WDFY3: variants seen among roughly 807,000 people sequenced by gnomAD.
WDFY3 encodes the protein WD repeat and FYVE domain containing 3.
In WDFY3, 66 loss-of-function variants were observed where a neutral mutation model predicts 409.6. The ratio of observed to expected loss-of-function variants is 0.16; its 90% confidence interval spans 0.13 to 0.20. The LOEUF is 0.20. WDFY3 is among the 10% of genes least tolerant of loss of function. WDFY3 has a pLI of 1.00. For synonymous variants in WDFY3, 1,521 were observed against 1,537.1 expected, an observed-to-expected ratio of 0.99 and a Z score of 0.25; for missense variants, 3,031 against 4,298.1, an observed-to-expected ratio of 0.71 and a Z score of 8.24.
intron 32 of WDFY3, among the ~76,000 whole-genome samples, chr4:84,760,541 A>G (rs1029162374): frequency 1.4e-4 from 21 of 152,272 alleles, no homozygotes; most frequent in African/African-American, 5.1e-4. Context: ...GGGAGAGTGT[A>G]TGTGTCAAGG....
chr4:84,806,675 C>T (rs560204387), intron 15 of WDFY3, among the ~76,000 whole-genome samples: 29 of 152,226 alleles, frequency 1.9e-4, no homozygotes, highest in African/African-American at 4.6e-4. Flanking sequence ...GCGGTGATCT[C>T]GGCTCACTGC....
Position 84,780,159 on chromosome 4 carries a change from G to T in WDFY3, c.4314C>A (p.Val1438=). 1 of 1,612,988 alleles carries T rather than the reference G, an allele frequency of 6.2e-7. No homozygotes were observed. ...YAAVKALVCV[V]KSNPLASKEM... ...CTTTGCTGGCTAGTGGGTTACTCTTGACCACACAAACCAGGGCCTTGACTG... is the reference window on the plus strand; with the variant it reads ...CTTTGCTGGCTAGTGGGTTACTCTTTACCACACAAACCAGGGCCTTGACTG... The change falls in exon 26 of 68, where the codon GTC becomes GTA. Residue 1438 remains valine, a synonymous_variant. Coordinates refer to ENST00000295888, the MANE Select transcript of WDFY3 (RefSeq NM_014991.6).
chr4:84,809,867 A>G lies in WDFY3; in HGVS notation c.2345+20T>C. ...GCTTAGTATACACCCTTTAATTCAG[A>G]GGACAGAGCAGAGCCATACCTGTCA... On this transcript the variant is annotated intron_variant, in intron 14 of 67. Coordinates refer to ENST00000295888, the MANE Select transcript of WDFY3 (RefSeq NM_014991.6). 2.5e-6 allele frequency: 4 copies of G among 1,604,028 alleles called. No homozygotes were observed. The highest frequency in any genetic ancestry group is 1.7e-5 in the Admixed American group (1 of 58,362).
intron 32 of WDFY3, among the ~76,000 whole-genome samples, chr4:84,757,550 A>C (rs1373144904): frequency 6.6e-6 from 1 of 152,146 alleles, no homozygotes; most frequent in Non-Finnish European, 1.5e-5. Context: ...ATGCTACAAA[A>C]ACATAACTTA....
At chr4:84,961,215 C>CAA (rs35416764) in intron 1 of WDFY3, among the ~76,000 whole-genome samples, 1,972 of 109,068 alleles carry the variant, frequency 0.018, 25 homozygotes, top group African/African-American at 0.051. Flanking sequence ...GACTCTGTCT[C>CAA]AAAAAAAAAA....
At chr4:84,952,643 CACA>C (rs961594683) in intron 1 of WDFY3, among the ~76,000 whole-genome samples, 3 of 152,078 alleles carry the variant, frequency 2.0e-5, no homozygotes, top group East Asian at 1.9e-4. Flanking sequence ...TGCTGAACTC[CACA>C]ACATCAAGAA....
chr4:84,830,043 G>A (rs986057499), intron 8 of WDFY3, among the ~76,000 whole-genome samples: 9 of 151,964 alleles, frequency 5.9e-5, no homozygotes, highest in Admixed American at 3.3e-4. Flanking sequence ...GAAACTCACT[G>A]TTACATAACA....
chr4:84,854,289 G>A (rs1296679814), intron 4 of WDFY3, among the ~76,000 whole-genome samples: 2 of 152,098 alleles, frequency 1.3e-5, no homozygotes, highest in African/African-American at 4.8e-5. Context: ...TGATAAAGCT[G>A]GGGCATTTTG....
chr4:84,941,513 T>C (rs945966441), intron 1 of WDFY3, among the ~76,000 whole-genome samples: 8 of 151,926 alleles, frequency 5.3e-5, no homozygotes, highest in African/African-American at 1.9e-4. Context: ...TTGATAACAA[T>C]GATGAAATAA....
rs961964638 is a variant in WDFY3, at chr4:84,671,150, T to C, written c.*1718A>G. 1 of 152,592 alleles carries C rather than the reference T, an allele frequency of 6.6e-6. No homozygotes were observed. The highest frequency in any genetic ancestry group is 1.5e-5 in the Non-Finnish European group (1 of 68,014). The allele number at this position is 152,592 out of a possible 1,614,324, so 9.5% of individuals were successfully genotyped here. A position where few individuals can be genotyped will look rare whatever the true frequency, so the allele number is the denominator to read the frequency against. On this transcript the variant is annotated 3_prime_UTR_variant, in exon 68 of 68. Coordinates refer to ENST00000295888, the MANE Select transcript of WDFY3 (RefSeq NM_014991.6). ...ATCATATCAGGAAGAACAAATTTGT[T>C]CTTAAGCTGGTTTCAGCCCATCAGG...
At chr4:84,811,146 C>T (rs1158651004) in intron 13 of WDFY3, among the ~76,000 whole-genome samples, 2 of 152,040 alleles carry the variant, frequency 1.3e-5, no homozygotes, top group Admixed American at 6.6e-5. Flanking sequence ...TACAGGCACG[C>T]ACCACTATGC....
At chr4:84,938,427 T>G (rs368996542) in intron 1 of WDFY3, among the ~76,000 whole-genome samples, 2 of 152,298 alleles carry the variant, frequency 1.3e-5, no homozygotes, top group Non-Finnish European at 2.9e-5. Flanking sequence ...AATTAACAAA[T>G]AGTTCCCCTT....
intron 6 of WDFY3, among the ~76,000 whole-genome samples, chr4:84,838,045 A>G (rs1281039813): frequency 6.6e-6 from 1 of 152,210 alleles, no homozygotes; most frequent in Non-Finnish European, 1.5e-5. Flanking sequence ...AATGGCATTA[A>G]AAAGGATAAG....
At chr4:84,711,082 C>T (rs972859159) in intron 51 of WDFY3, among the ~76,000 whole-genome samples, 1 of 152,150 alleles carries the variant, frequency 6.6e-6, no homozygotes, top group Non-Finnish European at 1.5e-5. Flanking sequence ...AAGTCATTTT[C>T]TTGCATGTTC....
intron 56 of WDFY3, among the ~76,000 whole-genome samples, chr4:84,700,130 C>T (rs1408749844): frequency 6.6e-6 from 1 of 152,028 alleles, no homozygotes; most frequent in Non-Finnish European, 1.5e-5. Context: ...TTGCCAAATT[C>T]AAGATCATGA....
intron 2 of WDFY3, among the ~76,000 whole-genome samples, chr4:84,906,930 G>A (rs974581170): frequency 3.3e-5 from 5 of 152,000 alleles, no homozygotes; most frequent in African/African-American, 1.2e-4. Context: ...CTAACACAAT[G>A]TAAATCCTAT....
chr4:84,813,592 G>C (rs1405977231), intron 13 of WDFY3, among the ~76,000 whole-genome samples: 2 of 152,028 alleles, frequency 1.3e-5, no homozygotes, highest in African/African-American at 4.8e-5. Context: ...TTATACCCTG[G>C]AAATCAGTAA....
chr4:84,866,380 A>G (rs1761395942), intron 3 of WDFY3, among the ~76,000 whole-genome samples: 1 of 152,170 alleles, frequency 6.6e-6, no homozygotes, highest in South Asian at 2.1e-4. Flanking sequence ...GTGGATCAAA[A>G]AGAAAACACC....
At chr4:84,745,246 T>G (rs920920172) in intron 36 of WDFY3, among the ~76,000 whole-genome samples, 21 of 152,272 alleles carry the variant, frequency 1.4e-4, no homozygotes, top group African/African-American at 5.1e-4. Context: ...TTCAGCCAGG[T>G]TTTTGATAGG....
Sources: gnomAD v4.1 joint callset for allele counts (sites outside exome capture counted in the v4.1 genomes callset) on GRCh38, gnomAD v4.1.1 for gene constraint, MANE v1.5 for transcripts, NCBI Gene and HGNC (gene_info 2026-07-23, HGNC 2026-07-21) for gene names.